TACC2: variants seen among roughly 807,000 people sequenced by gnomAD.
TACC2 encodes transforming acidic coiled-coil-containing protein 2.
Under a neutral mutation model 227.3 loss-of-function variants are expected in TACC2, and 137 were observed. That is an observed-to-expected ratio of 0.60 (90% confidence interval 0.52 to 0.69). The LOEUF (loss-of-function observed/expected upper bound fraction) is 0.69, where lower values mean the gene tolerates loss of function less well. Ranked by LOEUF, TACC2 falls within the 30% of genes least tolerant of loss-of-function variation. The pLI, the probability that TACC2 is intolerant of heterozygous loss-of-function variation, is 0.00. For missense variants in TACC2, 3,470 were observed against 3,694.4 expected (o/e 0.94, Z 1.57); for synonymous variants, 1,523 against 1,487.5 (o/e 1.02, Z -0.55).
intron 3 of TACC2, among the ~76,000 whole-genome samples, chr10:122,071,120 A>G (rs1050639162): frequency 2.0e-5 from 3 of 152,232 alleles, no homozygotes; most frequent in African/African-American, 7.2e-5. Context: ...TAAATATTCT[A>G]CCAAATCCCT....
intron 1 of TACC2, among the ~76,000 whole-genome samples, chr10:121,995,944 G>A (rs1281993312): frequency 2.6e-5 from 4 of 152,052 alleles, no homozygotes; most frequent in Non-Finnish European, 5.9e-5. Context: ...AGTAAAGATG[G>A]GGTTTCACCC....
At chr10:122,143,790 C>G in intron 7 of TACC2, 84 bp downstream of exon 7, 1 of 1,461,074 alleles carries the variant, frequency 6.8e-7, no homozygotes, top group Non-Finnish European at 9.3e-7. Flanking sequence ...TTGGGGTGAG[C>G]CGCATTTAGG....
At chr10:122,206,849 C>T (rs1420310711) in intron 8 of TACC2, among the ~76,000 whole-genome samples, 1 of 152,174 alleles carries the variant, frequency 6.6e-6, no homozygotes, top group African/African-American at 2.4e-5. Flanking sequence ...GGGTTCCTAT[C>T]CTTCCTTACC....
chr10:122,232,139 A>G (rs2095764550), intron 16 of TACC2, among the ~76,000 whole-genome samples: 1 of 152,246 alleles, frequency 6.6e-6, no homozygotes, highest in Non-Finnish European at 1.5e-5. Flanking sequence ...TTGCCAAACC[A>G]TAAGCTTAGG....
At chr10:122,118,016 T>C (rs1288297840) in intron 5 of TACC2, among the ~76,000 whole-genome samples, 1 of 139,162 alleles carries the variant, frequency 7.2e-6, no homozygotes, top group Non-Finnish European at 1.6e-5. Context: ...TCTCTTTTTC[T>C]TTTTTTTTTT....
intron 7 of TACC2, chr10:122,163,640 A>G: frequency 9.7e-7 from 1 of 1,031,432 alleles, no homozygotes; most frequent in Non-Finnish European, 1.2e-6. Flanking sequence ...GCTCACGCTC[A>G]TACCCGCACG....
intron 16 of TACC2, among the ~76,000 whole-genome samples, chr10:122,234,398 A>T (rs1200409576): frequency 6.6e-6 from 1 of 152,212 alleles, no homozygotes; most frequent in East Asian, 1.9e-4. Context: ...TCAATTTGTG[A>T]TTCTAGTGGC....
rs143355597 is a variant in TACC2 at position 122,048,872 on chromosome 10, A to G, written c.34-1566A>G. Reference sequence around the variant, plus strand: ...GTGTGTTCCATGTAACGCGAGTTCTATAAGATGTTAAACTGTGGTACATAA... The same window carrying G: ...GTGTGTTCCATGTAACGCGAGTTCTGTAAGATGTTAAACTGTGGTACATAA... On this transcript the variant is annotated intron_variant, in intron 2 of 22. Coordinates refer to ENST00000369005, the MANE Select transcript of TACC2 (RefSeq NM_206862.4). Among the ~76,000 whole-genome samples the G allele has an allele frequency of 8.2e-3, 1,254 of 152,342 alleles. 21 individuals are homozygous for G. Among genetic ancestry groups the G allele is most frequent in the African/African-American group, 0.028 (1,178 of 41,578 alleles).
intron 7 of TACC2, among the ~76,000 whole-genome samples, chr10:122,178,610 G>T (rs567980577): frequency 6.6e-6 from 1 of 152,236 alleles, no homozygotes; most frequent in South Asian, 2.1e-4. Flanking sequence ...AGGGTCAGGC[G>T]CAGTGGCTCA....
chr10:122,219,963 A>G (rs1589679850), intron 11 of TACC2, among the ~76,000 whole-genome samples: 1 of 151,718 alleles, frequency 6.6e-6, no homozygotes, highest in Non-Finnish European at 1.5e-5. Context: ...GCTTGAACCC[A>G]GGAGACGGAG....
Position 122,063,331 on chromosome 10 carries a change from G to A in TACC2, c.146+12781G>A, listed in dbSNP as rs538644783. On this transcript the variant is annotated intron_variant, in intron 3 of 22. Transcript: ENST00000369005. ...GGCTCCTGCCCAGCCAGGGTGTGTC[G>A]GGCAGAGCGCAGAGCAGCCTCCGCC... is the stretch of plus-strand genomic sequence containing the variant. Among the ~76,000 whole-genome samples, 310 of 152,240 alleles carry A rather than the reference G, an allele frequency of 2.0e-3. 3 individuals are homozygous for A. The highest frequency in any genetic ancestry group is 3.0e-3 in the Non-Finnish European group (202 of 68,030).
chr10:122,198,918 A>C (rs2094679355), intron 8 of TACC2, among the ~76,000 whole-genome samples: 1 of 152,212 alleles, frequency 6.6e-6, no homozygotes, highest in African/African-American at 2.4e-5. Context: ...GAGGCAAAGG[A>C]TGGGGCAAAG....
intron 2 of TACC2, among the ~76,000 whole-genome samples, chr10:122,032,842 C>T (rs1421230487): frequency 1.3e-5 from 2 of 152,022 alleles, no homozygotes; most frequent in Non-Finnish European, 2.9e-5. Flanking sequence ...ACCTGTAATC[C>T]CAGCAACTTG....
chr10:122,028,608 AGTTT>A (rs1256052372), intron 2 of TACC2, among the ~76,000 whole-genome samples: 3 of 146,838 alleles, frequency 2.0e-5, no homozygotes, highest in Non-Finnish European at 3.1e-5. Flanking sequence ...AGTTCCAAGA[AGTTT>A]GTTTGTTTTT....
chr10:122,139,048 G>T lies in TACC2; in HGVS notation c.5700-4524G>T, dbSNP rs78482943. 1.8e-4 allele frequency among the ~76,000 whole-genome samples: 27 copies of T among 152,338 alleles called. No individual in the cohort carries two copies. The East Asian group carries it at 5.2e-3, about 29-fold the overall frequency. On this transcript the variant is annotated intron_variant, in intron 6 of 22. Transcript: ENST00000369005. ...GCAGAGCTGCTGGTGATGACCAGGC[G>T]TGGGGATTCATAACTTGGACGATCC...
intron 8 of TACC2, among the ~76,000 whole-genome samples, chr10:122,200,845 G>A (rs2094790082): frequency 2.7e-5 from 4 of 148,722 alleles, no homozygotes; most frequent in Admixed American, 2.0e-4. Context: ...TACACTGAGA[G>A]GATGGCGACC....
At chr10:122,078,305 G>C (rs1019370984) in intron 3 of TACC2, among the ~76,000 whole-genome samples, 13 of 150,884 alleles carry the variant, frequency 8.6e-5, no homozygotes, top group Admixed American at 7.3e-4. Context: ...TGGTTTTGCC[G>C]ACTCCTGAAA....
At chr10:122,010,688 G>A (rs1388492558) in intron 1 of TACC2, among the ~76,000 whole-genome samples, 1 of 152,162 alleles carries the variant, frequency 6.6e-6, no homozygotes, top group Admixed American at 6.6e-5. Flanking sequence ...CCCTCGTGTG[G>A]CATCCTTTGG....
intron 4 of TACC2, 123 bp from the exon 5 acceptor site, chr10:122,088,355 A>ATTTTTTT: frequency 1.3e-6 from 1 of 779,356 alleles, no homozygotes; most frequent in Non-Finnish European, 1.9e-6. Context: ...TTTCCTAGGG[A>ATTTTTTT]TTTTTTTTTT....
Sources: allele counts gnomAD v4.1 joint callset (sites outside exome capture counted in the v4.1 genomes callset), GRCh38; gene constraint gnomAD v4.1.1; transcripts MANE v1.5; gene names NCBI Gene and HGNC (gene_info 2026-07-23, HGNC 2026-07-21).